NPEPL1: variants seen among roughly 807,000 people sequenced by gnomAD.
NPEPL1 encodes the protein probable aminopeptidase NPEPL1.
A neutral mutation model predicts 52.4 loss-of-function variants in NPEPL1; 45 were observed. The observed-to-expected ratio is 0.86, with a 90% CI of 0.68 to 1.10. The LOEUF (loss-of-function observed/expected upper bound fraction) is 1.10. Ranked by LOEUF, NPEPL1 falls within the 50% of genes least tolerant of loss-of-function variation. NPEPL1 has a pLI of 0.00. For missense variants in NPEPL1, 696 were observed against 710.9 expected, an observed-to-expected ratio of 0.98 and a Z score of 0.24; for synonymous variants, 360 against 314.7, an observed-to-expected ratio of 1.14 and a Z score of -1.52.
At chr20:58,712,632 T>G in intron 8 of NPEPL1, 53 bp downstream of exon 8, 1 of 1,310,964 alleles carries the variant, frequency 7.6e-7, no homozygotes, top group East Asian at 2.3e-5. Context: ...TCGCGACCCT[T>G]CCCGGCCTGC....
At chr20:58,709,915 G>A (rs1422233363) in intron 7 of NPEPL1, among the ~76,000 whole-genome samples, 2 of 152,172 alleles carry the variant, frequency 1.3e-5, no homozygotes, top group Non-Finnish European at 2.9e-5. Flanking sequence ...GGATGGTCCC[G>A]AGAGGTGATG....
chr20:58,694,963 A>C (rs1175662478), intron 3 of NPEPL1, among the ~76,000 whole-genome samples: 1 of 43,334 alleles, frequency 2.3e-5, no homozygotes, highest in African/African-American at 8.3e-5. Flanking sequence ...TGCGTGTATG[A>C]GTGTATGTGC....
chr20:58,705,472 A>C (rs755012652), intron 6 of NPEPL1: 1 of 456,272 alleles, frequency 2.2e-6, no homozygotes, highest in East Asian at 6.9e-5. Flanking sequence ...TTCTAACGTG[A>C]AATTGGCATT....
At chr20:58,693,201 G>C (rs1374732878) in intron 1 of NPEPL1, 151 bp downstream of exon 1, 1 of 469,526 alleles carries the variant, frequency 2.1e-6, no homozygotes, top group African/African-American at 2.1e-5. Flanking sequence ...TCAGCCGCCA[G>C]GCCAGTCCTC....
At chr20:58,694,943 T>C (rs2084431398) in intron 3 of NPEPL1, among the ~76,000 whole-genome samples, 1 of 109,590 alleles carries the variant, frequency 9.1e-6, no homozygotes, top group Non-Finnish European at 2.0e-5. Flanking sequence ...CGTGCACATG[T>C]GTGTTGCTGT....
At position 58,713,613 on chromosome 20, in the gene NPEPL1, T is replaced by G; in HGVS notation, c.1125+70T>G. The G allele has an allele frequency of 1.3e-6, 2 of 1,485,088 alleles. No individual in the cohort carries two copies. The highest frequency in any genetic ancestry group is 4.8e-5 in the East Asian group (2 of 41,486). The allele number at this position is 1,485,088 out of a possible 1,614,324, so 92.0% of individuals were successfully genotyped here. A position where few individuals can be genotyped will look rare whatever the true frequency, so the allele number is the denominator to read the frequency against. On this transcript the variant is annotated intron_variant, in intron 9 of 11. Coordinates refer to ENST00000356091, the MANE Select transcript of NPEPL1 (RefSeq NM_024663.4). This position sits in a 1 kb window ranked among gnomAD's most constrained non-coding sequence, Gnocchi z 4.6. The stretch of plus-strand genomic sequence containing the variant: ...CCCCACCCCACTCTTGACCTCAAGG[T>G]GGGGAAGGCAGCGCGTGGGGGCTGC...
chr20:58,702,242 C>T (rs2084642801), intron 6 of NPEPL1, among the ~76,000 whole-genome samples: 1 of 152,266 alleles, frequency 6.6e-6, no homozygotes, highest in African/African-American at 2.4e-5. Context: ...TCTGCCAGTG[C>T]TGGCGTTCTG....
chr20:58,705,279 G>A (rs764366956), intron 6 of NPEPL1, among the ~76,000 whole-genome samples: 12 of 152,072 alleles, frequency 7.9e-5, no homozygotes, highest in Non-Finnish European at 1.6e-4. Flanking sequence ...AGATGGTGTC[G>A]TGGCCAGAGT....
chr20:58,708,312 C>T (rs1270297405), intron 7 of NPEPL1, among the ~76,000 whole-genome samples: 1 of 152,232 alleles, frequency 6.6e-6, no homozygotes, highest in East Asian at 1.9e-4. Flanking sequence ...CCCAGCTGGC[C>T]GTGCACATTC....
chr20:58,705,736 G>T (rs1424311384), intron 6 of NPEPL1, among the ~76,000 whole-genome samples: 1 of 152,224 alleles, frequency 6.6e-6, no homozygotes, highest in Non-Finnish European at 1.5e-5. Context: ...AATTGGGAAG[G>T]AGCTGGCAGC....
chr20:58,695,135 G>A (rs1331269829), intron 3 of NPEPL1, among the ~76,000 whole-genome samples: 1 of 143,550 alleles, frequency 7.0e-6, no homozygotes, highest in Non-Finnish European at 1.5e-5. Flanking sequence ...GTGCATGAGT[G>A]GTGTGTGTGT....
intron 8 of NPEPL1, 103 bp downstream of exon 8, chr20:58,712,682 C>T (rs771372775): frequency 1.8e-5 from 15 of 851,240 alleles, no homozygotes; most frequent in East Asian, 2.5e-5. Context: ...GGGCACTCAG[C>T]GTTGGGGTCC....
rs2084380162 is a variant in NPEPL1 at position 58,692,800 on chromosome 20, A to C, written c.-101A>C. On this transcript the variant is annotated 5_prime_UTR_variant, in exon 1 of 12. Coordinates refer to ENST00000356091, the MANE Select transcript of NPEPL1 (RefSeq NM_024663.4). This position sits in a 1 kb window ranked among gnomAD's most constrained non-coding sequence, Gnocchi z 5.7. Reference sequence around the variant, plus strand: ...AGGCGGGGCCCGCGGGCTGCCGGGCAGGGCCGGGGCGGTGCCGAGGCCGGG... The same window carrying C: ...AGGCGGGGCCCGCGGGCTGCCGGGCCGGGCCGGGGCGGTGCCGAGGCCGGG... The C allele has an allele frequency of 1.0e-6, 1 of 969,318 alleles. No individual in the cohort carries two copies. Among genetic ancestry groups the C allele is most frequent in the South Asian group, 4.6e-5 (1 of 21,698 alleles). 60.0% of individuals were successfully genotyped at this position (969,318 alleles called of 1,614,324 possible).
intron 3 of NPEPL1, among the ~76,000 whole-genome samples, chr20:58,696,992 T>C (rs544000134): frequency 2.8e-4 from 42 of 152,328 alleles, no homozygotes; most frequent in African/African-American, 9.4e-4. Context: ...TTCTCCCTTT[T>C]CTTCCCTGCG....
At chr20:58,704,486 A>C (rs1035011329) in intron 6 of NPEPL1, 1 of 506,966 alleles carries the variant, frequency 2.0e-6, no homozygotes, top group Non-Finnish European at 2.5e-6. Context: ...TAACATGTAT[A>C]ATTCATTAAA....
At chr20:58,692,629 G>A (rs1445438002), upstream of NPEPL1, 2 of 191,350 alleles carry the variant, frequency 1.0e-5, no homozygotes, top group African/African-American at 2.4e-5. This position sits in a 1 kb window ranked among gnomAD's most constrained non-coding sequence, Gnocchi z 5.7. Flanking sequence ...CCGGGCGCGC[G>A]GGCCCTACTC....
At position 58,714,017 on chromosome 20, in the gene NPEPL1, A is replaced by C. The variant is rs1487032442; in HGVS notation, c.1226A>C (p.His409Pro). 7.9e-6 allele frequency: 12 copies of C among 1,528,344 alleles called. No individual in the cohort carries two copies. The highest frequency in any genetic ancestry group is 1.1e-5 in the Non-Finnish European group (12 of 1,140,712). 94.7% of individuals were successfully genotyped at this position (1,528,344 alleles called of 1,614,324 possible). ...KAGRKCGDLV[H>P]PLVYCPELHF... The stretch of plus-strand genomic sequence containing the variant: ...GGCAGGAAGTGTGGGGACCTGGTGC[A>C]CCCGCTGGTCTACTGCCCCGAGCTG... Residue 409 changes from histidine to proline, a missense_variant, in exon 10 of 12, where the codon CAC becomes CCC. Coordinates refer to ENST00000356091, the MANE Select transcript of NPEPL1 (RefSeq NM_024663.4).
Position 58,702,568 on chromosome 20 carries a change from A to T in NPEPL1, c.822+1410A>T, listed in dbSNP as rs78025485. Among the ~76,000 whole-genome samples the T allele has an allele frequency of 3.8e-3, 581 of 152,174 alleles. 4 individuals are homozygous for T. Among genetic ancestry groups the T allele is most frequent in the East Asian group, 0.03 (157 of 5,186 alleles). On this transcript the variant is annotated intron_variant, in intron 6 of 11. Transcript: ENST00000356091. ...TTTAATAGAAAAAACATGCCTCCCT[A>T]TGGGTCTCTTGGGGTAATAGATGGT...
At chr20:58,709,702 A>G (rs956042923) in intron 7 of NPEPL1, among the ~76,000 whole-genome samples, 1 of 152,244 alleles carries the variant, frequency 6.6e-6, no homozygotes, top group Non-Finnish European at 1.5e-5. Context: ...AGGGAAGGAC[A>G]GAGCATTTCT....
Sources: allele counts gnomAD v4.1 joint callset (sites outside exome capture counted in the v4.1 genomes callset), GRCh38; gene constraint gnomAD v4.1.1; non-coding constraint Gnocchi (gnomAD v3.1); transcripts MANE v1.5; gene names NCBI Gene and HGNC (gene_info 2026-07-23, HGNC 2026-07-21).